The following MAGI2 variants were observed in gnomAD, a reference collection of about 807,000 sequenced individuals.
The protein encoded by MAGI2 is membrane-associated guanylate kinase, WW and PDZ domain-containing protein 2.
Under a neutral mutation model 133.3 loss-of-function variants are expected in MAGI2, and 35 were observed. The ratio of observed to expected loss-of-function variants is 0.26; its 90% CI spans 0.20 to 0.35. MAGI2 has a LOEUF of 0.35. Ranked by LOEUF, MAGI2 falls within the 10% of genes least tolerant of loss-of-function variation. The pLI is 1.00. For missense variants in MAGI2, 1,636 were observed against 1,863.4 expected (o/e 0.88, Z 2.25); for synonymous variants, 729 against 710.6 (o/e 1.03, Z -0.41).
At chr7:78,560,498 T>A (rs1191207028) in intron 3 of MAGI2, among the ~76,000 whole-genome samples, 1 of 152,202 alleles carries the variant, frequency 6.6e-6, no homozygotes, top group Admixed American at 6.5e-5. Flanking sequence ...TAAATTATCA[T>A]CTTCTAAGAT....
intron 6 of MAGI2, among the ~76,000 whole-genome samples, chr7:78,382,298 A>C (rs1325867103): frequency 6.6e-6 from 1 of 152,084 alleles, no homozygotes; most frequent in Non-Finnish European, 1.5e-5. Flanking sequence ...AGGGAATGAG[A>C]CTTCTCTGAG....
At chr7:78,935,521 T>C (rs1800444038) in intron 2 of MAGI2, among the ~76,000 whole-genome samples, 1 of 152,148 alleles carries the variant, frequency 6.6e-6, no homozygotes, top group African/African-American at 2.4e-5. Flanking sequence ...GGGAATTTAT[T>C]GTTCCTTATG....
chr7:79,098,481 G>A (rs1247734638), intron 1 of MAGI2, among the ~76,000 whole-genome samples: 2 of 152,080 alleles, frequency 1.3e-5, no homozygotes, highest in African/African-American at 4.8e-5. Context: ...GCCATTATTA[G>A]GGCTGAGATA....
chr7:79,257,355 A>G (rs572620809), intron 1 of MAGI2, among the ~76,000 whole-genome samples: 1 of 152,298 alleles, frequency 6.6e-6, no homozygotes, highest in East Asian at 1.9e-4. Flanking sequence ...ACTTTAACAA[A>G]CAATTCAAGA....
intron 2 of MAGI2, among the ~76,000 whole-genome samples, chr7:78,748,266 G>A (rs1039583992): frequency 6.6e-6 from 1 of 152,088 alleles, no homozygotes; most frequent in Non-Finnish European, 1.5e-5. Flanking sequence ...TAGAACAGAG[G>A]GAGCCATTTT....
At chr7:79,183,951 A>G (rs1826842309) in intron 1 of MAGI2, among the ~76,000 whole-genome samples, 1 of 151,718 alleles carries the variant, frequency 6.6e-6, no homozygotes, top group Non-Finnish European at 1.5e-5. Flanking sequence ...TTATAGAAGT[A>G]GAGAGTAGAA....
At chr7:78,318,824 T>G (rs1787697355) in intron 9 of MAGI2, among the ~76,000 whole-genome samples, 1 of 151,948 alleles carries the variant, frequency 6.6e-6, no homozygotes, top group Middle Eastern at 3.4e-3. Flanking sequence ...TTCAACATTC[T>G]TAAAAGAATT....
intron 2 of MAGI2, among the ~76,000 whole-genome samples, chr7:78,701,184 T>A (rs1765695988): frequency 6.6e-6 from 1 of 151,774 alleles, no homozygotes. Flanking sequence ...AAAGGTTAAA[T>A]CTATTTTCAC....
At chr7:79,361,506 A>G (rs925832957) in intron 1 of MAGI2, among the ~76,000 whole-genome samples, 2 of 152,182 alleles carry the variant, frequency 1.3e-5, no homozygotes, top group Non-Finnish European at 2.9e-5. Context: ...TCCTGGGCCT[A>G]TAAAAACCCA....
At chr7:78,863,099 A>G (rs1471328780) in intron 2 of MAGI2, among the ~76,000 whole-genome samples, 1 of 152,238 alleles carries the variant, frequency 6.6e-6, no homozygotes, top group Non-Finnish European at 1.5e-5. Flanking sequence ...AAAGAAGTTC[A>G]TTAATTACAA....
At chr7:78,310,416 A>T (rs561152789) in intron 9 of MAGI2, among the ~76,000 whole-genome samples, 33 of 152,298 alleles carry the variant, frequency 2.2e-4, no homozygotes, top group African/African-American at 7.7e-4. Context: ...GCCTGGCAAT[A>T]GAGCGAGACT....
intron 10 of MAGI2, among the ~76,000 whole-genome samples, chr7:78,225,967 TCAAA>T (rs1789332602): frequency 6.6e-6 from 1 of 152,190 alleles, no homozygotes; most frequent in South Asian, 2.1e-4. Flanking sequence ...GGAGTGCTTC[TCAAA>T]CAATCTCTGG....
chr7:78,761,559 G>A (rs939146884), intron 2 of MAGI2, among the ~76,000 whole-genome samples: 3 of 150,400 alleles, frequency 2.0e-5, no homozygotes, highest in Admixed American at 1.3e-4. Context: ...TCTGCCTCCT[G>A]TGTTCAAACA....
intron 6 of MAGI2, among the ~76,000 whole-genome samples, chr7:78,446,379 T>C (rs1034344851): frequency 1.3e-5 from 2 of 152,080 alleles, no homozygotes; most frequent in Non-Finnish European, 2.9e-5. Context: ...AATCAACATA[T>C]CCTGGAAGGA....
intron 9 of MAGI2, among the ~76,000 whole-genome samples, chr7:78,273,122 G>C (rs1794745596): frequency 6.6e-6 from 1 of 152,194 alleles, no homozygotes; most frequent in African/African-American, 2.4e-5. Flanking sequence ...AGGAGCTCTT[G>C]TAAGGCAGGC....
At chr7:78,510,547 AT>A (rs1437591902) in intron 4 of MAGI2, among the ~76,000 whole-genome samples, 1 of 152,172 alleles carries the variant, frequency 6.6e-6, no homozygotes, top group Non-Finnish European at 1.5e-5. Context: ...TAATTTTTAG[AT>A]TAGGGGTTTT....
At chr7:78,811,542 A>C (rs943114440) in intron 2 of MAGI2, among the ~76,000 whole-genome samples, 1 of 152,178 alleles carries the variant, frequency 6.6e-6, no homozygotes, top group African/African-American at 2.4e-5. Flanking sequence ...ATTCTTTATA[A>C]AGGTCATTTA....
intron 4 of MAGI2, among the ~76,000 whole-genome samples, chr7:78,514,084 C>A (rs1795835086): frequency 1.8e-5 from 1 of 56,618 alleles, no homozygotes; most frequent in African/African-American, 1.1e-4. Flanking sequence ...GTGAAACTGT[C>A]TCAAAAAAAA....
intron 2 of MAGI2, among the ~76,000 whole-genome samples, chr7:78,770,153 C>T (rs1393347343): frequency 6.6e-6 from 1 of 152,192 alleles, no homozygotes; most frequent in Non-Finnish European, 1.5e-5. Flanking sequence ...ACAAAAGACA[C>T]TCTATCTGCA....
Sources: allele counts gnomAD v4.1 joint callset (sites outside exome capture counted in the v4.1 genomes callset), GRCh38; gene constraint gnomAD v4.1.1; transcripts MANE v1.5; gene names NCBI Gene and HGNC (gene_info 2026-07-23, HGNC 2026-07-21).